Variants in DNAH8 observed in about 807,000 individuals in gnomAD.
DNAH8 encodes dynein axonemal heavy chain 8.
A neutral mutation model predicts 562.1 loss-of-function variants in DNAH8; 382 were observed. That is an observed-to-expected ratio of 0.68 (90% CI 0.63 to 0.74). DNAH8 has a LOEUF of 0.74. Ranked by LOEUF, DNAH8 falls within the 30% of genes least tolerant of loss-of-function variation. The pLI, the probability that DNAH8 is intolerant of heterozygous loss-of-function variation, is 0.00. For synonymous variants in DNAH8, 1,881 were observed against 1,919.4 expected, an observed-to-expected ratio of 0.98 and a Z score of 0.52; for missense variants, 5,203 against 5,620.4, an observed-to-expected ratio of 0.93 and a Z score of 2.37.
At chr6:38,898,187 C>A in intron 60 of DNAH8, 71 bp from the exon 61 acceptor site, 1 of 1,359,198 alleles carries the variant, frequency 7.4e-7, no homozygotes, top group Non-Finnish European at 1.0e-6. Context: ...TTTTGAGTGT[C>A]TTTACAATTG....
chr6:38,897,481 A>G (rs1310869165), intron 60 of DNAH8, among the ~76,000 whole-genome samples: 1 of 152,246 alleles, frequency 6.6e-6, no homozygotes, highest in East Asian at 1.9e-4. Flanking sequence ...AACAATATTA[A>G]CATGTAGGAA....
chr6:38,916,013 C>T (rs1781290386), intron 68 of DNAH8, among the ~76,000 whole-genome samples: 1 of 151,980 alleles, frequency 6.6e-6, no homozygotes, highest in Non-Finnish European at 1.5e-5. Context: ...GCTTAACTTT[C>T]TTGGGTTTCT....
At chr6:38,826,480 A>G in intron 29 of DNAH8, 89 bp downstream of exon 29, 2 of 815,910 alleles carry the variant, frequency 2.5e-6, no homozygotes, top group Non-Finnish European at 4.0e-6. Context: ...TCTTTAACAT[A>G]TTCATCTATT....
intron 85 of DNAH8, among the ~76,000 whole-genome samples, chr6:38,979,046 C>G (rs559409753): frequency 1.3e-5 from 2 of 152,202 alleles, no homozygotes; most frequent in Non-Finnish European, 2.9e-5. Flanking sequence ...AGAACTAGCC[C>G]GCTACTGCAG....
chr6:38,905,468 T>C (rs192759652), intron 62 of DNAH8, among the ~76,000 whole-genome samples: 2 of 152,358 alleles, frequency 1.3e-5, no homozygotes. Context: ...TTTCTTTGTA[T>C]CTAGCCACTT....
intron 11 of DNAH8, among the ~76,000 whole-genome samples, chr6:38,768,122 G>A (rs1767201384): frequency 6.6e-6 from 1 of 151,998 alleles, no homozygotes; most frequent in East Asian, 1.9e-4. Flanking sequence ...ATTTACTCAG[G>A]CCCTTTCTCC....
intron 26 of DNAH8, among the ~76,000 whole-genome samples, chr6:38,816,421 C>CT (rs1483495731): frequency 6.6e-6 from 1 of 152,128 alleles, no homozygotes; most frequent in South Asian, 2.1e-4. Flanking sequence ...TGAACTCATT[C>CT]TTTTTTTATG....
chr6:38,756,067 A>G lies in DNAH8; in HGVS notation c.1503A>G (p.Ser501=), dbSNP rs779824692. 1.6e-5 allele frequency: 26 copies of G among 1,577,542 alleles called. No homozygotes were observed. In the East Asian group the frequency reaches 5.4e-4, roughly 33 times the overall value. The change falls in exon 10 of 93, where the codon TCA becomes TCG. Residue 501 remains serine (S), a synonymous_variant. Coordinates refer to ENST00000327475, the MANE Select transcript of DNAH8 (RefSeq NM_001206927.2). ...ATAATACCTCAGAGAGAATGACCTC[A>G]TTGTTTATCAAGGTAAGTTTCTGTG... is the stretch of plus-strand genomic sequence containing the variant. The part of the protein sequence containing the change: ...RYYNTSERMT[S]LFIKVTNQMV...
At chr6:38,788,727 G>A (rs2127652671) in intron 18 of DNAH8, among the ~76,000 whole-genome samples, 1 of 152,104 alleles carries the variant, frequency 6.6e-6, no homozygotes, top group African/African-American at 2.4e-5. Context: ...CATTCTTTGG[G>A]TTGTATTTTC....
chr6:39,015,304 T>C (rs1235796569), intron 91 of DNAH8, among the ~76,000 whole-genome samples: 1 of 152,222 alleles, frequency 6.6e-6, no homozygotes, highest in Non-Finnish European at 1.5e-5. Flanking sequence ...AGTGTTAATA[T>C]GAACTGATCT....
At chr6:38,733,234 G>T (rs542883484) in intron 4 of DNAH8, among the ~76,000 whole-genome samples, 2 of 97,732 alleles carry the variant, frequency 2.0e-5, no homozygotes, top group Non-Finnish European at 5.6e-5. Context: ...GGCTATTGCT[G>T]CAAATAGAAG....
chr6:38,823,584 C>T lies in DNAH8; in HGVS notation c.3743C>T (p.Ser1248Phe). ...KVKEFLANNP[S>F]LTEIRSEILH... ...CAGGAATTTTTGGCTAACAACCCCT[C>T]TCTGACTGAAATCAGATCAGAAATT... The change falls in exon 28 of 93, where the codon TCT becomes TTT. Residue 1248 changes from serine to phenylalanine, a missense_variant. Physicochemically the swap from Ser to Phe is radical, Grantham distance 155. Around this residue, in one of 6 missense-constraint regions of DNAH8, gnomAD observed 2,176 missense variants for 2,365.1 expected, o/e 0.92. Coordinates refer to ENST00000327475, the MANE Select transcript of DNAH8 (RefSeq NM_001206927.2). The T allele has an allele frequency of 6.2e-7, 1 of 1,609,276 alleles. No individual in the cohort carries two copies. Among genetic ancestry groups the T allele is most frequent in the Non-Finnish European group, 8.5e-7 (1 of 1,176,138 alleles).
intron 63 of DNAH8, among the ~76,000 whole-genome samples, chr6:38,906,974 G>T (rs1007379185): frequency 6.6e-6 from 1 of 152,066 alleles, no homozygotes; most frequent in Non-Finnish European, 1.5e-5. Context: ...CAGATTTTTT[G>T]ATTTGGGGGT....
At position 38,827,732 on chromosome 6, in the gene DNAH8, A is replaced by G. The variant is rs1322374466; in HGVS notation, c.4084-452A>G. On this transcript the variant is annotated intron_variant, in intron 29 of 92. Transcript: ENST00000327475. ...CTGCAAAAGCTTAATTCTTTACCAA[A>G]CTTTTTTTTTTTTTTTTTTTTTTTT... Among the ~76,000 whole-genome samples, 2 of 25,736 alleles carry G rather than the reference A, an allele frequency of 7.8e-5. 1 individual carries two copies. Among genetic ancestry groups the G allele is most frequent in the Non-Finnish European group, 1.6e-4 (2 of 12,598 alleles). 16.9% of individuals were successfully genotyped at this position (25,736 alleles called of 152,430 possible).
chr6:39,003,931 TTTC>T (rs150409100), intron 88 of DNAH8, among the ~76,000 whole-genome samples: 4,068 of 152,300 alleles, frequency 0.027, 85 homozygotes, highest in Middle Eastern at 0.075. Flanking sequence ...TTTTGCTTCT[TTTC>T]TTCTTCTTCC....
intron 91 of DNAH8, among the ~76,000 whole-genome samples, chr6:39,013,346 T>C (rs1187599721): frequency 6.6e-6 from 1 of 152,242 alleles, no homozygotes; most frequent in African/African-American, 2.4e-5. Flanking sequence ...TAATAAAATT[T>C]TAGAAACATT....
At chr6:39,025,015 T>G (rs1767176363) in intron 91 of DNAH8, among the ~76,000 whole-genome samples, 1 of 152,176 alleles carries the variant, frequency 6.6e-6, no homozygotes, top group African/African-American at 2.4e-5. Context: ...GCCAAACCAT[T>G]TGAATTTTTA....
intron 30 of DNAH8, among the ~76,000 whole-genome samples, chr6:38,829,812 G>A (rs149763346): frequency 1.1e-3 from 161 of 152,282 alleles, no homozygotes; most frequent in African/African-American, 3.5e-3. Flanking sequence ...AACCATTTTA[G>A]TAGTGTTAAG....
intron 1 of DNAH8, chr6:38,716,950 C>T (rs1249453647): frequency 6.6e-6 from 1 of 152,124 alleles, no homozygotes; most frequent in Non-Finnish European, 1.5e-5. Context: ...TCACTGAATC[C>T]TTAAAATTTA....
Sources: gnomAD v4.1 joint callset for allele counts (sites outside exome capture counted in the v4.1 genomes callset) on GRCh38, gnomAD v4.1.1 for gene constraint, gnomAD v4.1.1 regional missense constraint, MANE v1.5 for transcripts, NCBI Gene and HGNC (gene_info 2026-07-23, HGNC 2026-07-21) for gene names.